ARHGEF12: variants seen among roughly 807,000 people sequenced by gnomAD.
ARHGEF12 encodes the protein KMT2A/ARHGEF12 fusion protein.
ARHGEF12 carries 66 observed loss-of-function variants against 211.2 expected under a neutral mutation model. That is an observed-to-expected ratio of 0.31 (90% CI 0.26 to 0.38). ARHGEF12 has a LOEUF of 0.38. ARHGEF12 is among the 10% of genes least tolerant of loss of function. The pLI is 1.00. For synonymous variants in ARHGEF12, 592 were observed against 638.4 expected (o/e 0.93, Z 1.09); for missense variants, 1,429 against 1,869.5 (o/e 0.76, Z 4.34).
intron 18 of ARHGEF12, 111 bp downstream of exon 18, chr11:120,447,196 GT>G: frequency 8.2e-7 from 1 of 1,214,216 alleles, no homozygotes; most frequent in Non-Finnish European, 1.1e-6. Context: ...ATGTGGAGCC[GT>G]TTATTTTGTC....
Position 120,457,762 on chromosome 11 carries a change from T to C in ARHGEF12, c.2225+6T>C. On this transcript the variant is annotated splice_donor_region_variant and intron_variant, in intron 24 of 40. Transcript: ENST00000397843. ...ACACCAAAGCCCTTTCGAAAGTAAGTAAATCTTAAGCAGCTTTCAATAAAG... is the reference window on the plus strand; with the variant it reads ...ACACCAAAGCCCTTTCGAAAGTAAGCAAATCTTAAGCAGCTTTCAATAAAG... 2.5e-6 allele frequency: 4 copies of C among 1,608,394 alleles called. No individual in the cohort carries two copies. The highest frequency in any genetic ancestry group is 3.4e-6 in the Non-Finnish European group (4 of 1,177,508).
intron 4 of ARHGEF12, among the ~76,000 whole-genome samples, chr11:120,415,659 G>C (rs1025614857): frequency 6.6e-6 from 1 of 152,150 alleles, no homozygotes; most frequent in Non-Finnish European, 1.5e-5. Flanking sequence ...GAATGAGAGG[G>C]AACATAATAG....
At chr11:120,410,876 A>G (rs974805099) in intron 4 of ARHGEF12, 9 of 152,188 alleles carry the variant, frequency 5.9e-5, no homozygotes, top group Non-Finnish European at 1.3e-4. Context: ...AGAGCTTTCT[A>G]TAGTTTATCC....
At chr11:120,409,223 A>G (rs1476743656) in intron 3 of ARHGEF12, 171 bp from the exon 4 acceptor site, 1 of 571,624 alleles carries the variant, frequency 1.7e-6, no homozygotes, top group South Asian at 2.5e-5. Flanking sequence ...AAAATATGTC[A>G]TTACCTGTGC....
At chr11:120,343,498 C>T (rs1942598343) in intron 1 of ARHGEF12, among the ~76,000 whole-genome samples, 1 of 152,176 alleles carries the variant, frequency 6.6e-6, no homozygotes, top group Non-Finnish European at 1.5e-5. Context: ...TATATAGTGT[C>T]GACTTTTAGT....
chr11:120,483,032 A>G (rs980739367), intron 39 of ARHGEF12, among the ~76,000 whole-genome samples: 1 of 152,226 alleles, frequency 6.6e-6, no homozygotes, highest in East Asian at 1.9e-4. Flanking sequence ...AGCAATGGGG[A>G]TATATTCTGA....
intron 1 of ARHGEF12, among the ~76,000 whole-genome samples, chr11:120,349,741 C>T (rs1942878297): frequency 6.6e-6 from 1 of 152,144 alleles, no homozygotes; most frequent in Admixed American, 6.6e-5. Flanking sequence ...GTTATAGTAG[C>T]TGTTATTGTT....
Position 120,344,265 on chromosome 11 carries a change from C to CAAAAAAA in ARHGEF12, c.32+7013_32+7019dup, listed in dbSNP as rs71473103. Among the ~76,000 whole-genome samples the CAAAAAAA allele has an allele frequency of 3.8e-4, 20 of 53,024 alleles. 1 individual carries two copies. Among genetic ancestry groups the CAAAAAAA allele is most frequent in the African/African-American group, 1.4e-3 (20 of 13,864 alleles). 34.8% of individuals were successfully genotyped at this position (53,024 alleles called of 152,430 possible). ...TGGATGACAGAGCAAGACTCCGTCTCAAAAAAAAAAAAAAAAAAAAAAAAA... is the reference window on the plus strand; with the variant it reads ...TGGATGACAGAGCAAGACTCCGTCTCAAAAAAAAAAAAAAAAAAAAAAAAAAAAAAAA... On this transcript the variant is annotated intron_variant, in intron 1 of 40. Coordinates refer to ENST00000397843, the MANE Select transcript of ARHGEF12 (RefSeq NM_015313.3).
chr11:120,343,376 C>T (rs1486711682), intron 1 of ARHGEF12, among the ~76,000 whole-genome samples: 1 of 152,124 alleles, frequency 6.6e-6, no homozygotes, highest in Non-Finnish European at 1.5e-5. Context: ...CTTAGAATAT[C>T]TGGAATCATC....
intron 1 of ARHGEF12, among the ~76,000 whole-genome samples, chr11:120,358,451 A>G (rs1457953057): frequency 2.0e-5 from 3 of 152,104 alleles, no homozygotes; most frequent in African/African-American, 7.2e-5. Context: ...GCTGACTGAT[A>G]AGATGGAAGA....
At chr11:120,370,589 TC>T (rs1306218773) in intron 1 of ARHGEF12, among the ~76,000 whole-genome samples, 1 of 152,178 alleles carries the variant, frequency 6.6e-6, no homozygotes, top group Non-Finnish European at 1.5e-5. Flanking sequence ...GATATTGTCT[TC>T]CTATACATGA....
rs79133839 is a variant in ARHGEF12 at position 120,386,958 on chromosome 11, T to A, written c.33-19160T>A. Among the ~76,000 whole-genome samples the A allele has an allele frequency of 2.5e-3, 380 of 152,240 alleles. 1 individual carries two copies. Among genetic ancestry groups the A allele is most frequent in the African/African-American group, 8.5e-3 (355 of 41,578 alleles). On this transcript the variant is annotated intron_variant, in intron 1 of 40. Coordinates refer to ENST00000397843, the MANE Select transcript of ARHGEF12 (RefSeq NM_015313.3). ...TTTGTATATGAGTAGATTAAAGCAT[T>A]TTATCATGATTATTTGACATCACAA...
chr11:120,349,359 C>T lies in ARHGEF12; in HGVS notation c.32+12084C>T, dbSNP rs533271495. 7.6e-4 allele frequency among the ~76,000 whole-genome samples: 116 copies of T among 151,840 alleles called. 1 individual carries two copies. Among genetic ancestry groups the T allele is most frequent in the African/African-American group, 2.7e-3 (110 of 41,430 alleles). Reference sequence around the variant, plus strand: ...ATTATATTAATTTTGACTCCCTGGCCGACTTTTTTTTTGAAGCTATCATTT... The same window carrying T: ...ATTATATTAATTTTGACTCCCTGGCTGACTTTTTTTTTGAAGCTATCATTT... On this transcript the variant is annotated intron_variant, in intron 1 of 40. Coordinates refer to ENST00000397843, the MANE Select transcript of ARHGEF12 (RefSeq NM_015313.3).
chr11:120,355,946 C>A (rs1199311004), intron 1 of ARHGEF12, among the ~76,000 whole-genome samples: 1 of 151,860 alleles, frequency 6.6e-6, no homozygotes, highest in East Asian at 1.9e-4. Flanking sequence ...GCATTCAAGG[C>A]CAAAGGTAGA....
intron 36 of ARHGEF12, among the ~76,000 whole-genome samples, chr11:120,477,875 GA>G (rs1261373538): frequency 7.1e-6 from 1 of 141,538 alleles, no homozygotes; most frequent in East Asian, 2.0e-4. Flanking sequence ...AAAAAAAAAA[GA>G]AAAAAAGAAA....
chr11:120,457,813 T>C (rs1946410589), intron 24 of ARHGEF12, 57 bp downstream of exon 24: 5 of 1,555,696 alleles, frequency 3.2e-6, no homozygotes, highest in Non-Finnish European at 4.4e-6. Flanking sequence ...CGTAACCTTT[T>C]TTCCTCTAAA....
chr11:120,347,154 TCCTTCCTTCCTTC>T (rs1565416979), intron 1 of ARHGEF12, among the ~76,000 whole-genome samples: 1,536 of 102,870 alleles, frequency 0.015, 91 homozygotes, highest in African/African-American at 0.021. Context: ...CTTCCTTCCT[TCCTTCCTTCCTTC>T]CTTCCTTCCT....
chr11:120,469,180 T>C, intron 29 of ARHGEF12, 108 bp from the exon 30 acceptor site: 1 of 846,196 alleles, frequency 1.2e-6, no homozygotes. Context: ...ATCTTCAAGG[T>C]CTTAATATGC....
intron 11 of ARHGEF12, among the ~76,000 whole-genome samples, chr11:120,432,170 C>T (rs527664412): frequency 1.3e-5 from 2 of 152,246 alleles, no homozygotes; most frequent in African/African-American, 2.4e-5. Flanking sequence ...GCATCTTGTT[C>T]GTGGGTAGAG....
Sources: gnomAD v4.1 joint callset for allele counts (sites outside exome capture counted in the v4.1 genomes callset) on GRCh38, gnomAD v4.1.1 for gene constraint, MANE v1.5 for transcripts, NCBI Gene and HGNC (gene_info 2026-07-23, HGNC 2026-07-21) for gene names.